MED12L: variants seen among roughly 807,000 people sequenced by gnomAD.
The protein encoded by MED12L is mediator of RNA polymerase II transcription subunit 12-like protein.
A neutral mutation model predicts 281.3 loss-of-function variants in MED12L; 60 were observed. That is an observed-to-expected ratio of 0.21 (90% confidence interval 0.17 to 0.26). MED12L has a LOEUF of 0.26. MED12L is among the 10% of genes least tolerant of loss of function. The pLI, the probability that MED12L is intolerant of heterozygous loss-of-function variation, is 1.00. For missense variants in MED12L, 2,146 were observed against 2,680.9 expected, an observed-to-expected ratio of 0.80 and a Z score of 4.41; for synonymous variants, 974 against 987.2, an observed-to-expected ratio of 0.99 and a Z score of 0.25.
intron 11 of MED12L, among the ~76,000 whole-genome samples, chr3:151,168,784 C>A (rs1468870281): frequency 6.6e-6 from 1 of 152,178 alleles, no homozygotes; most frequent in Non-Finnish European, 1.5e-5. Context: ...TGGCTCCCTG[C>A]AACCTCTGCC....
intron 16 of MED12L, among the ~76,000 whole-genome samples, chr3:151,244,493 T>C (rs1195488885): frequency 8.1e-5 from 12 of 147,630 alleles, no homozygotes; most frequent in African/African-American, 2.7e-4. Context: ...ACATGGAAAC[T>C]GAACAACCTG....
intron 2 of MED12L, among the ~76,000 whole-genome samples, chr3:151,091,595 C>T (rs187669155): frequency 6.6e-6 from 1 of 152,334 alleles, no homozygotes; most frequent in Admixed American, 6.5e-5. Context: ...GGTTTAACAG[C>T]CAACCCAGCC....
At position 151,158,906 on chromosome 3, in the gene MED12L, A is replaced by G. The variant is rs1719634471; in HGVS notation, c.837+107A>G. The G allele has an allele frequency of 6.8e-6, 5 of 736,016 alleles. No individual in the cohort carries two copies. In the Admixed American group the frequency reaches 1.3e-4, roughly 19 times the overall value. The allele number at this position is 736,016 out of a possible 1,614,324, so 45.6% of individuals were successfully genotyped here. A position where few individuals can be genotyped will look rare whatever the true frequency, so the allele number is the denominator to read the frequency against. ...GAAAAGGAAAAAATATCCTGTTGAA[A>G]TGGAAGGAAAAAATGTCTTTGATGC... On this transcript the variant is annotated intron_variant, in intron 7 of 44. Coordinates refer to ENST00000687756, the MANE Select transcript of MED12L (RefSeq NM_001393769.1).
At chr3:151,309,696 G>T (rs539991439) in intron 16 of MED12L, among the ~76,000 whole-genome samples, 1 of 152,258 alleles carries the variant, frequency 6.6e-6, no homozygotes, top group African/African-American at 2.4e-5. Flanking sequence ...ACCTCCAGCT[G>T]TTGTATTCTA....
At chr3:151,368,699 C>T (rs201983218) in intron 25 of MED12L, among the ~76,000 whole-genome samples, 4,602 of 35,870 alleles carry the variant, frequency 0.13, 116 homozygotes, top group South Asian at 0.2. Flanking sequence ...TATTTCATTT[C>T]ATTTCATTTC....
intron 16 of MED12L, among the ~76,000 whole-genome samples, chr3:151,297,545 G>A (rs975634779): frequency 6.6e-6 from 1 of 152,106 alleles, no homozygotes; most frequent in Admixed American, 6.5e-5. Flanking sequence ...AATTACTTAT[G>A]AATTGCTTTT....
chr3:151,246,430 T>C (rs960559521), intron 16 of MED12L, among the ~76,000 whole-genome samples: 9 of 151,690 alleles, frequency 5.9e-5, no homozygotes, highest in South Asian at 2.1e-4. Flanking sequence ...GAGATATAGA[T>C]CAATGGAACA....
chr3:151,241,498 C>G (rs926720270), intron 16 of MED12L, among the ~76,000 whole-genome samples: 1 of 152,028 alleles, frequency 6.6e-6, no homozygotes, highest in East Asian at 1.9e-4. Context: ...AGCATCTTCC[C>G]CTATAATGGA....
At chr3:151,232,365 C>G (rs1559911287) in intron 16 of MED12L, among the ~76,000 whole-genome samples, 1 of 152,142 alleles carries the variant, frequency 6.6e-6, no homozygotes, top group Non-Finnish European at 1.5e-5. Flanking sequence ...TATTTTTTGA[C>G]TTTTTAACGA....
At chr3:151,318,123 C>T (rs76445768) in intron 16 of MED12L, among the ~76,000 whole-genome samples, 2 of 151,730 alleles carry the variant, frequency 1.3e-5, no homozygotes, top group Non-Finnish European at 2.9e-5. Context: ...AAAACAGACA[C>T]CTACAATTTT....
intron 16 of MED12L, chr3:151,328,638 C>G (rs1749965025): frequency 3.1e-6 from 5 of 1,613,766 alleles, no homozygotes; most frequent in Non-Finnish European, 4.2e-6. Flanking sequence ...AGGAATCTGT[C>G]AAAGGCTATG....
rs866116571 is a variant in MED12L at position 151,264,826 on chromosome 3, A to G, written c.2250+71160A>G. On this transcript the variant is annotated intron_variant, in intron 16 of 44. Transcript: ENST00000687756. ...CTTAGAAAACATCCAGAGTTTGGTC[A>G]TGGCCTGCATGGCTCTACATGACCA... Among the ~76,000 whole-genome samples, 4 of 152,270 alleles carry G rather than the reference A, an allele frequency of 2.6e-5. 1 individual carries two copies. Among genetic ancestry groups the G allele is most frequent in the South Asian group, 4.1e-4 (2 of 4,828 alleles).
At chr3:151,202,026 A>T (rs1725680911) in intron 16 of MED12L, among the ~76,000 whole-genome samples, 1 of 152,236 alleles carries the variant, frequency 6.6e-6, no homozygotes, top group African/African-American at 2.4e-5. Context: ...AGAACTGACG[A>T]TATATACCGT....
chr3:151,282,876 T>C (rs1253173610), intron 16 of MED12L, among the ~76,000 whole-genome samples: 1 of 152,232 alleles, frequency 6.6e-6, no homozygotes, highest in Non-Finnish European at 1.5e-5. Context: ...AATGCAGACA[T>C]GCCTTTTTAT....
chr3:151,426,845 TCTTA>T (rs1718935371), intron 43 of MED12L, among the ~76,000 whole-genome samples: 1 of 149,136 alleles, frequency 6.7e-6, no homozygotes, highest in Non-Finnish European at 1.5e-5. Context: ...TGAGACAGGG[TCTTA>T]CTTTGTTACC....
intron 43 of MED12L, among the ~76,000 whole-genome samples, chr3:151,422,107 C>T (rs527297556): frequency 6.6e-6 from 1 of 152,166 alleles, no homozygotes; most frequent in Admixed American, 6.5e-5. Context: ...AGCACCCTGC[C>T]AGATGTTATA....
chr3:151,184,053 A>G (rs982781249), intron 11 of MED12L, among the ~76,000 whole-genome samples: 33 of 152,214 alleles, frequency 2.2e-4, no homozygotes, highest in African/African-American at 8.0e-4. Flanking sequence ...ATGTTCAAAC[A>G]TTTCTTTCAA....
At chr3:151,400,811 A>G (rs1014791155) in intron 39 of MED12L, among the ~76,000 whole-genome samples, 21 of 152,206 alleles carry the variant, frequency 1.4e-4, no homozygotes, top group African/African-American at 5.1e-4. Context: ...AATGGTATAC[A>G]TATTTCAAGC....
intron 5 of MED12L, among the ~76,000 whole-genome samples, chr3:151,148,688 G>A (rs1718062930): frequency 6.6e-6 from 1 of 152,120 alleles, no homozygotes; most frequent in African/African-American, 2.4e-5. Flanking sequence ...GGACTTGGTT[G>A]GAGTTTTAAA....
Sources: gnomAD v4.1 joint callset for allele counts (sites outside exome capture counted in the v4.1 genomes callset) on GRCh38, gnomAD v4.1.1 for gene constraint, MANE v1.5 for transcripts, NCBI Gene and HGNC (gene_info 2026-07-23, HGNC 2026-07-21) for gene names.